Variants in GYPE observed in about 807,000 individuals in gnomAD.
The protein encoded by GYPE is glycophorin-E.
GYPE carries 8 observed loss-of-function variants against 11.6 expected under a neutral mutation model. The observed-to-expected ratio is 0.69, with a 90% CI of 0.41 to 1.25. GYPE has a LOEUF of 1.25. Among genes scored for constraint, GYPE ranks in the 50% most tolerant of loss-of-function variants. The probability of loss-of-function intolerance (pLI) is 0.01; values close to 1 mark genes in which losing one functional copy is unlikely to be tolerated. For synonymous variants in GYPE, 28 were observed against 29.6 expected, an observed-to-expected ratio of 0.94 and a Z score of 0.18; for missense variants, 90 against 92.8, an observed-to-expected ratio of 0.97 and a Z score of 0.12.
intron 1 of GYPE, among the ~76,000 whole-genome samples, chr4:143,903,061 G>C (rs1467197519): frequency 6.6e-6 from 1 of 151,180 alleles, no homozygotes; most frequent in East Asian, 1.9e-4. Context: ...TTTCAGGGTT[G>C]GCTCCATTCT....
At chr4:143,877,345 C>T (rs1743854670) in intron 2 of GYPE, among the ~76,000 whole-genome samples, 1 of 152,156 alleles carries the variant, frequency 6.6e-6, no homozygotes, top group Admixed American at 6.5e-5. Context: ...ATAAGGTTAA[C>T]TTAGCCTTGG....
chr4:143,878,535 T>C lies in GYPE; in HGVS notation c.137-1680A>G, dbSNP rs182316749. On this transcript the variant is annotated intron_variant, in intron 2 of 3. Transcript: ENST00000358615. ...TTGTGTGAATAAAGTTAACAACATA[T>C]GCTCTTCTGTTTTAAGATTGACACA... is the stretch of plus-strand genomic sequence containing the variant. The C allele has an allele frequency of 9.6e-4, 403 of 419,822 alleles. 5 individuals are homozygous for C. Among genetic ancestry groups the C allele is most frequent in the African/African-American group, 7.8e-3 (360 of 46,396 alleles). The allele number at this position is 419,822 out of a possible 1,614,324, so 26.0% of individuals were successfully genotyped here. A position where few individuals can be genotyped will look rare whatever the true frequency, so the allele number is the denominator to read the frequency against.
intron 1 of GYPE, among the ~76,000 whole-genome samples, chr4:143,889,721 T>C (rs1257126204): frequency 1.3e-5 from 2 of 152,168 alleles, no homozygotes; most frequent in Non-Finnish European, 2.9e-5. Flanking sequence ...GAAATCTGTA[T>C]GTCTAAGATA....
chr4:143,892,344 T>C (rs1338016045), intron 1 of GYPE, among the ~76,000 whole-genome samples: 2 of 151,284 alleles, frequency 1.3e-5, no homozygotes, highest in African/African-American at 4.9e-5. Flanking sequence ...TTTCTTGCCT[T>C]CTGCTAGCTT....
At chr4:143,888,201 TC>T in intron 1 of GYPE, among the ~76,000 whole-genome samples, 1 of 90,900 alleles carries the variant, frequency 1.1e-5, no homozygotes. Flanking sequence ...CACTCAGCTT[TC>T]CCAAATAATT....
In GYPE at chr4:143,901,022, C is replaced by G. The variant is rs375087725; in HGVS notation, c.37+4449G>C. Among the ~76,000 whole-genome samples, 5 of 152,138 alleles carry G rather than the reference C, an allele frequency of 3.3e-5. No individual in the cohort carries two copies. The East Asian group carries it at 9.6e-4, about 29-fold the overall frequency. ...TTTTAAAAATTAAGTGTATGTAAAT[C>G]GCTTAGAACAGTGCATGGCACAAAG... On this transcript the variant is annotated intron_variant, in intron 1 of 3. Coordinates refer to ENST00000358615, the MANE Select transcript of GYPE (RefSeq NM_198682.3).
rs1745022801 is a variant in GYPE, at chr4:143,905,478, T to C, written c.30A>G (p.Leu10=). The change falls in exon 1 of 4, where the codon CTA becomes CTG. Residue 10 remains leucine (L), a synonymous_variant. Coordinates refer to ENST00000358615, the MANE Select transcript of GYPE (RefSeq NM_198682.3). MYGKIIFVL[L]LSGIVSISAS... ...TGAAATAAAATCACTTACCTGACAA[T>C]AGTAATACAAAGATTATTTTTCCAT... 6.2e-7 allele frequency: 1 copy of C among 1,613,148 alleles called. No homozygotes were observed. The highest frequency in any genetic ancestry group is 8.5e-7 in the Non-Finnish European group (1 of 1,179,296).
chr4:143,887,363 C>G (rs2149909644), intron 1 of GYPE, among the ~76,000 whole-genome samples: 1 of 16,792 alleles, frequency 6.0e-5, no homozygotes, highest in Non-Finnish European at 3.7e-4. Flanking sequence ...CAGTCTATAC[C>G]TGCAAAATTT....
chr4:143,895,095 C>T (rs1227304190), intron 1 of GYPE, among the ~76,000 whole-genome samples: 2 of 152,092 alleles, frequency 1.3e-5, no homozygotes, highest in Non-Finnish European at 2.9e-5. Flanking sequence ...AAAACTGGCA[C>T]AAGACAGGGA....
At chr4:143,873,813 A>C (rs1743695904) in intron 3 of GYPE, among the ~76,000 whole-genome samples, 1 of 152,098 alleles carries the variant, frequency 6.6e-6, no homozygotes, top group South Asian at 2.1e-4. Flanking sequence ...AAGCTTATAA[A>C]AATGAGAACC....
At chr4:143,873,946 T>C (rs1262437046) in intron 3 of GYPE, among the ~76,000 whole-genome samples, 1 of 152,084 alleles carries the variant, frequency 6.6e-6, no homozygotes, top group East Asian at 1.9e-4. Context: ...TAATCCACAA[T>C]TGAATGGTCA....
At chr4:143,892,976 T>C (rs972757177) in intron 1 of GYPE, among the ~76,000 whole-genome samples, 1 of 145,228 alleles carries the variant, frequency 6.9e-6, no homozygotes, top group African/African-American at 2.5e-5. Flanking sequence ...AGGACTTGCT[T>C]TATGAATCTG....
In GYPE at chr4:143,897,908, T is replaced by C. The variant is rs191169845; in HGVS notation, c.37+7563A>G. Among the ~76,000 whole-genome samples the C allele has an allele frequency of 2.0e-5, 3 of 152,040 alleles. No homozygotes were observed. The East Asian group carries it at 5.8e-4, about 29-fold the overall frequency. ...GTAGGCTATATACTTTAGAAACACATGAAAGGATAAGTGCAAATAAAACAT... is the reference window on the plus strand; with the variant it reads ...GTAGGCTATATACTTTAGAAACACACGAAAGGATAAGTGCAAATAAAACAT... On this transcript the variant is annotated intron_variant, in intron 1 of 3. Coordinates refer to ENST00000358615, the MANE Select transcript of GYPE (RefSeq NM_198682.3).
intron 1 of GYPE, among the ~76,000 whole-genome samples, chr4:143,904,469 C>G (rs868161178): frequency 5.3e-5 from 8 of 152,270 alleles, no homozygotes; most frequent in Middle Eastern, 3.4e-3. Context: ...AGAAGTAAAA[C>G]TAGATTTGAA....
At chr4:143,894,551 C>T (rs1312365036) in intron 1 of GYPE, among the ~76,000 whole-genome samples, 2 of 152,078 alleles carry the variant, frequency 1.3e-5, no homozygotes, top group Non-Finnish European at 2.9e-5. Flanking sequence ...AGCTGCAGGT[C>T]TGTCGGAGTT....
intron 1 of GYPE, among the ~76,000 whole-genome samples, chr4:143,904,784 CAGAA>C: frequency 6.6e-6 from 1 of 152,112 alleles, no homozygotes; most frequent in Non-Finnish European, 1.5e-5. Context: ...ATAATATTCT[CAGAA>C]AGAGGCCAAA....
chr4:143,873,455 T>C (rs1326514154), intron 3 of GYPE: 1 of 455,678 alleles, frequency 2.2e-6, no homozygotes, highest in Non-Finnish European at 4.4e-6. Flanking sequence ...TCAGAGCAAA[T>C]TATGTTACCA....
chr4:143,898,458 C>G (rs1450548253), intron 1 of GYPE, among the ~76,000 whole-genome samples: 1 of 152,148 alleles, frequency 6.6e-6, no homozygotes, highest in East Asian at 1.9e-4. Context: ...AGAGCAAAGA[C>G]ATTACAAACA....
chr4:143,893,430 A>G (rs1451565628), intron 1 of GYPE, among the ~76,000 whole-genome samples: 1 of 149,912 alleles, frequency 6.7e-6, no homozygotes, highest in Admixed American at 6.7e-5. Flanking sequence ...TTTTGGCATG[A>G]TTTTGCAGCG....
Sources: allele counts gnomAD v4.1 joint callset (sites outside exome capture counted in the v4.1 genomes callset), GRCh38; gene constraint gnomAD v4.1.1; transcripts MANE v1.5; gene names NCBI Gene and HGNC (gene_info 2026-07-23, HGNC 2026-07-21).